IKBKB: variants seen among roughly 807,000 people sequenced by gnomAD.
The protein encoded by IKBKB is inhibitor of nuclear factor kappa-B kinase subunit beta.
IKBKB carries 42 observed loss-of-function variants against 113.6 expected under a neutral mutation model. The ratio of observed to expected loss-of-function variants is 0.37; its 90% CI spans 0.29 to 0.48. The LOEUF (loss-of-function observed/expected upper bound fraction) is 0.48, where lower values mean the gene tolerates loss of function less well. Ranked by LOEUF, IKBKB falls within the 20% of genes least tolerant of loss-of-function variation. The pLI, the probability that IKBKB is intolerant of heterozygous loss-of-function variation, is 0.99. For missense variants in IKBKB, 673 were observed against 939.7 expected (o/e 0.72, Z 3.71); for synonymous variants, 296 against 361.3 (o/e 0.82, Z 2.05).
intron 14 of IKBKB, 35 bp downstream of exon 14, chr8:42,319,456 C>T: frequency 6.2e-7 from 1 of 1,611,364 alleles, no homozygotes. Context: ...TTAAAGACAC[C>T]ATTTTTTTTT....
intron 2 of IKBKB, among the ~76,000 whole-genome samples, chr8:42,284,685 C>T (rs935202405): frequency 2.6e-5 from 4 of 151,870 alleles, no homozygotes; most frequent in Non-Finnish European, 4.4e-5. Flanking sequence ...TATCGTCAGG[C>T]AGAGCTGCTG....
At position 42,329,977 on chromosome 8, in the gene IKBKB, T is replaced by C. The variant is rs541635366; in HGVS notation, c.2205+763T>C. On this transcript the variant is annotated intron_variant, in intron 21 of 21. Coordinates refer to ENST00000520810, the MANE Select transcript of IKBKB (RefSeq NM_001556.3). ...TGCAGCCTTTGCTGATGTAGTCGCA[T>C]GTCCTCCTCCAGTCTGTGGACATTC... is the stretch of plus-strand genomic sequence containing the variant. 34 of 985,496 alleles carry C rather than the reference T, an allele frequency of 3.5e-5. No homozygotes were observed. In the South Asian group the frequency reaches 1.4e-3, roughly 41 times the overall value. The allele number at this position is 985,496 out of a possible 1,614,324, so 61.0% of individuals were successfully genotyped here.
Position 42,304,616 on chromosome 8 carries a change from C to T in IKBKB, c.389-571C>T, listed in dbSNP as rs1426177522. 2.6e-5 allele frequency among the ~76,000 whole-genome samples: 4 copies of T among 152,094 alleles called. No homozygotes were observed. In the South Asian group the frequency reaches 6.2e-4, roughly 24 times the overall value. ...GGCTGTCTGTATGTGTGGGAGGTGTCCCTGTTCTCCTCTTCTGCCTCCCCG... is the reference window on the plus strand; with the variant it reads ...GGCTGTCTGTATGTGTGGGAGGTGTTCCTGTTCTCCTCTTCTGCCTCCCCG... On this transcript the variant is annotated intron_variant, in intron 5 of 21. Transcript: ENST00000520810.
chr8:42,287,464 C>T (rs1043655734), intron 2 of IKBKB, among the ~76,000 whole-genome samples: 3 of 152,226 alleles, frequency 2.0e-5, no homozygotes, highest in Admixed American at 6.5e-5. Flanking sequence ...CTCGGCAGAC[C>T]GTGGTGCCCA....
At chr8:42,317,237 C>CT in intron 11 of IKBKB, 1 of 431,178 alleles carries the variant, frequency 2.3e-6, no homozygotes, top group South Asian at 2.2e-5. Context: ...GGATGCTGCA[C>CT]TTTCTTGAGT....
At chr8:42,325,532 A>T in intron 19 of IKBKB, 2 of 620,376 alleles carry the variant, frequency 3.2e-6, no homozygotes, top group Non-Finnish European at 4.0e-6. Flanking sequence ...TACAAAAATT[A>T]GCTGGGTGTA....
rs779278875 is a variant in IKBKB at position 42,320,823 on chromosome 8, A to G, written c.1667A>G (p.Gln556Arg). 1.2e-6 allele frequency: 2 copies of G among 1,600,764 alleles called. No individual in the cohort carries two copies. The change falls in exon 16 of 22, where the codon CAG becomes CGG. Residue 556 changes from glutamine (Q) to arginine (R), a missense_variant. This residue lies in a region of IKBKB where 506 missense variants were observed against 638.7 expected (regional missense o/e 0.79). Transcript: ENST00000520810. The part of the protein sequence containing the change: ...DLQRSPMGRK[Q>R]GGTLDDLEEQ... ...CAGAGGAGCCCCATGGGCCGGAAGC[A>G]GGGGGGAACGCTGGACGACCTGTGA...
intron 5 of IKBKB, 110 bp downstream of exon 5, chr8:42,293,622 G>A: frequency 1.3e-6 from 2 of 1,587,108 alleles, no homozygotes; most frequent in Non-Finnish European, 1.7e-6. Context: ...GGTCTCTGTG[G>A]AAGGGGAATG....
At chr8:42,305,604 C>G (rs531312373) in intron 6 of IKBKB, among the ~76,000 whole-genome samples, 6 of 152,310 alleles carry the variant, frequency 3.9e-5, no homozygotes, top group African/African-American at 1.4e-4. Context: ...TTAAGAGCCT[C>G]GCCTCTCGAC....
In IKBKB at chr8:42,280,624, C is replaced by G. The variant is rs138671138; in HGVS notation, c.106-8010C>G. Among the ~76,000 whole-genome samples, 483 of 152,186 alleles carry G rather than the reference C, an allele frequency of 3.2e-3. 2 individuals are homozygous for G. Among genetic ancestry groups the G allele is most frequent in the African/African-American group, 0.011 (452 of 41,532 alleles). On this transcript the variant is annotated intron_variant, in intron 2 of 21. Coordinates refer to ENST00000520810, the MANE Select transcript of IKBKB (RefSeq NM_001556.3). ...CCTCAGTGCTGGGTCCCCAACATGG[C>G]TGGGCAGGATGTGGGTCAGCTACCT...
At chr8:42,329,978 GTCC>G in intron 21 of IKBKB, 3 of 985,438 alleles carry the variant, frequency 3.0e-6, no homozygotes, top group Non-Finnish European at 3.6e-6. Context: ...GTAGTCGCAT[GTCC>G]TCCTCCAGTC....
intron 15 of IKBKB, 72 bp downstream of exon 15, chr8:42,319,718 C>A: frequency 8.1e-7 from 1 of 1,227,630 alleles, no homozygotes; most frequent in Non-Finnish European, 1.2e-6. Flanking sequence ...TTCACTTTCT[C>A]ATCAAACACT....
intron 19 of IKBKB, chr8:42,325,232 G>A: frequency 1.0e-6 from 1 of 985,680 alleles, no homozygotes; most frequent in South Asian, 4.7e-5. Flanking sequence ...CTTCGGGCTG[G>A]GAGGGGCAGT....
chr8:42,296,969 G>A (rs532936167), intron 5 of IKBKB, among the ~76,000 whole-genome samples: 33 of 152,134 alleles, frequency 2.2e-4, no homozygotes, highest in Non-Finnish European at 1.0e-4. Context: ...TTTCCTTCCC[G>A]CTCTGGATTT....
At chr8:42,314,128 A>C in intron 8 of IKBKB, 194 bp from the exon 9 acceptor site, 1 of 582,138 alleles carries the variant, frequency 1.7e-6, no homozygotes, top group Non-Finnish European at 3.1e-6. Flanking sequence ...AGTATTCAGT[A>C]CCGGAGCATG....
At chr8:42,271,982 C>G (rs1807855817) in intron 1 of IKBKB, 101 bp from the exon 2 acceptor site, 2 of 1,208,456 alleles carry the variant, frequency 1.7e-6, no homozygotes, top group African/African-American at 3.1e-5. Flanking sequence ...TTTTTCTTCT[C>G]TCCCATTCAA....
chr8:42,331,462 C>G lies in IKBKB; in HGVS notation c.*483C>G. ...TGTCCTCTCCTGCTCTCCAAAGGCCCTGCTCCCTGTCCTCTCTCACTTTAC... is the reference window on the plus strand; with the variant it reads ...TGTCCTCTCCTGCTCTCCAAAGGCCGTGCTCCCTGTCCTCTCTCACTTTAC... On this transcript the variant is annotated 3_prime_UTR_variant, in exon 22 of 22. Coordinates refer to ENST00000520810, the MANE Select transcript of IKBKB (RefSeq NM_001556.3). 1.4e-6 allele frequency: 1 copy of G among 699,632 alleles called. No individual in the cohort carries two copies. The highest frequency in any genetic ancestry group is 2.6e-6 in the Non-Finnish European group (1 of 383,416). 43.3% of individuals were successfully genotyped at this position (699,632 alleles called of 1,614,324 possible). A position where few individuals can be genotyped will look rare whatever the true frequency, so the allele number is the denominator to read the frequency against.
At chr8:42,303,194 C>T (rs28668538) in intron 5 of IKBKB, among the ~76,000 whole-genome samples, 63 of 151,044 alleles carry the variant, frequency 4.2e-4, no homozygotes, top group African/African-American at 1.5e-3. Flanking sequence ...ATGGTGGTGG[C>T]GGCGACGGCA....
rs1405488953 is a variant in IKBKB at position 42,331,769 on chromosome 8, G to A, written c.*790G>A. Reference sequence around the variant, plus strand: ...CTTGGGGGTGATTGTCACAGAGGAGGGACAGAAAGGGTATCTGCTGACCAC... The same window carrying A: ...CTTGGGGGTGATTGTCACAGAGGAGAGACAGAAAGGGTATCTGCTGACCAC... On this transcript the variant is annotated 3_prime_UTR_variant, in exon 22 of 22. Coordinates refer to ENST00000520810, the MANE Select transcript of IKBKB (RefSeq NM_001556.3). 6 of 324,252 alleles carry A rather than the reference G, an allele frequency of 1.9e-5. No individual in the cohort carries two copies. Among genetic ancestry groups the A allele is most frequent in the African/African-American group, 1.3e-4 (6 of 46,684 alleles). The allele number at this position is 324,252 out of a possible 1,614,324, so 20.1% of individuals were successfully genotyped here. A position where few individuals can be genotyped will look rare whatever the true frequency, so the allele number is the denominator to read the frequency against.
Sources: gnomAD v4.1 joint callset for allele counts (sites outside exome capture counted in the v4.1 genomes callset) on GRCh38, gnomAD v4.1.1 for gene constraint, gnomAD v4.1.1 regional missense constraint, MANE v1.5 for transcripts, NCBI Gene and HGNC (gene_info 2026-07-23, HGNC 2026-07-21) for gene names.